Variants in CYP39A1 observed in about 807,000 individuals in gnomAD.
CYP39A1 encodes 24-hydroxycholesterol 7-alpha-hydroxylase.
In CYP39A1, 49 loss-of-function variants were observed where a neutral mutation model predicts 58.1. That is an observed-to-expected ratio of 0.84 (90% CI 0.67 to 1.07). The LOEUF (loss-of-function observed/expected upper bound fraction) is 1.07, where lower values mean the gene tolerates loss of function less well. Ranked by LOEUF, CYP39A1 falls within the 50% of genes least tolerant of loss-of-function variation. The pLI is 0.00. For missense variants in CYP39A1, 531 were observed against 539.4 expected (o/e 0.98, Z 0.16); for synonymous variants, 209 against 187.6 (o/e 1.11, Z -0.93).
At chr6:46,599,247 G>A (rs1773347838) in intron 7 of CYP39A1, among the ~76,000 whole-genome samples, 1 of 152,168 alleles carries the variant, frequency 6.6e-6, no homozygotes, top group African/African-American at 2.4e-5. Flanking sequence ...AGTGGTTAAT[G>A]CAATAAGCGC....
At chr6:46,553,908 G>T in intron 10 of CYP39A1, 54 bp from the exon 11 acceptor site, 2 of 1,129,452 alleles carry the variant, frequency 1.8e-6, no homozygotes, top group Non-Finnish European at 2.6e-6. Flanking sequence ...ATAAATATCT[G>T]CCAACAGAGA....
At position 46,602,933 on chromosome 6, in the gene CYP39A1, G is replaced by GGA. The variant is rs1554161684; in HGVS notation, c.932-6814_932-6813insTC. The stretch of plus-strand genomic sequence containing the variant: ...CCACTAAATATAAAATGGGGGGGGG[G>GGA]AGCTTTATTTCTTCTTCTGAACAAT... On this transcript the variant is annotated intron_variant, in intron 7 of 11. Coordinates refer to ENST00000275016, the MANE Select transcript of CYP39A1 (RefSeq NM_016593.5). 7.9e-3 allele frequency among the ~76,000 whole-genome samples: 1,032 copies of GGA among 130,836 alleles called. 26 individuals carry two copies. The highest frequency in any genetic ancestry group is 0.025 in the South Asian group (87 of 3,456). 85.8% of individuals were successfully genotyped at this position (130,836 alleles called of 152,430 possible).
In CYP39A1 at chr6:46,642,341, A is replaced by G. The variant is rs182968512; in HGVS notation, c.178-43T>C. On this transcript the variant is annotated intron_variant, in intron 1 of 11. Coordinates refer to ENST00000275016, the MANE Select transcript of CYP39A1 (RefSeq NM_016593.5). ...TAGATTATATTAGTAAGCATTCCTA[A>G]GCCATGTTTAAGACCATTCTCCTCA... 5 of 1,576,542 alleles carry G rather than the reference A, an allele frequency of 3.2e-6. No homozygotes were observed. In the Admixed American group the frequency reaches 7.3e-5, roughly 23 times the overall value.
chr6:46,640,287 G>C (rs1161642488), intron 2 of CYP39A1, among the ~76,000 whole-genome samples: 1 of 152,080 alleles, frequency 6.6e-6, no homozygotes, highest in Non-Finnish European at 1.5e-5. Flanking sequence ...CATTTCAGAG[G>C]CTGTTCTGTC....
chr6:46,590,845 T>C (rs1247160304), intron 8 of CYP39A1, among the ~76,000 whole-genome samples: 1 of 152,208 alleles, frequency 6.6e-6, no homozygotes, highest in Non-Finnish European at 1.5e-5. Context: ...TCCCTTTTTA[T>C]TGTATATTCA....
intron 7 of CYP39A1, among the ~76,000 whole-genome samples, chr6:46,609,753 A>C (rs1774099940): frequency 6.6e-6 from 1 of 152,208 alleles, no homozygotes; most frequent in African/African-American, 2.4e-5. Context: ...ACCCTTCAAA[A>C]ATTCAATATA....
chr6:46,626,510 T>G (rs1775315565), intron 6 of CYP39A1, among the ~76,000 whole-genome samples: 1 of 152,186 alleles, frequency 6.6e-6, no homozygotes, highest in South Asian at 2.1e-4. Context: ...GAAGAGCAAT[T>G]GTCCGAAAAG....
At chr6:46,596,557 T>C (rs1582364261) in intron 7 of CYP39A1, among the ~76,000 whole-genome samples, 1 of 151,730 alleles carries the variant, frequency 6.6e-6, no homozygotes, top group Non-Finnish European at 1.5e-5. Context: ...TTTACCCTTT[T>C]GAATTGCTTT....
chr6:46,562,727 CA>C (rs988068035), intron 10 of CYP39A1, among the ~76,000 whole-genome samples: 1 of 151,332 alleles, frequency 6.6e-6, no homozygotes, highest in Admixed American at 6.6e-5. Context: ...TAAAAAATTT[CA>C]AAAAAAGATT....
At chr6:46,596,913 C>G (rs1773203004) in intron 7 of CYP39A1, among the ~76,000 whole-genome samples, 1 of 152,080 alleles carries the variant, frequency 6.6e-6, no homozygotes, top group Non-Finnish European at 1.5e-5. Context: ...ACAGTATTTG[C>G]TTAAGAAAAG....
chr6:46,590,935 CT>C (rs1374417601), intron 8 of CYP39A1, among the ~76,000 whole-genome samples: 1 of 152,270 alleles, frequency 6.6e-6, no homozygotes, highest in South Asian at 2.1e-4. Context: ...TCATTCCCTA[CT>C]TTTTTTCCTG....
chr6:46,650,580 C>T (rs187881031), intron 1 of CYP39A1, among the ~76,000 whole-genome samples: 1 of 130,918 alleles, frequency 7.6e-6, no homozygotes, highest in Admixed American at 9.0e-5. Flanking sequence ...CATAGCTTAC[C>T]GGAATCTGGA....
chr6:46,562,110 C>CGTCCTGGGTTCAAGTGATT (rs1771011419), intron 10 of CYP39A1, among the ~76,000 whole-genome samples: 6 of 143,140 alleles, frequency 4.2e-5, no homozygotes, highest in Non-Finnish European at 7.4e-5. Context: ...GCAACCTCCG[C>CGTCCTGGGTTCAAGTGATT]CTCCTGGGTT....
At chr6:46,606,377 T>C (rs1412138655) in intron 7 of CYP39A1, among the ~76,000 whole-genome samples, 1 of 152,202 alleles carries the variant, frequency 6.6e-6, no homozygotes, top group African/African-American at 2.4e-5. Context: ...CACTAAGTTT[T>C]CGAATGATTC....
At chr6:46,599,528 A>G (rs1425638717) in intron 7 of CYP39A1, among the ~76,000 whole-genome samples, 2 of 152,052 alleles carry the variant, frequency 1.3e-5, no homozygotes, top group African/African-American at 2.4e-5. Flanking sequence ...CCTCTCTTCC[A>G]AGGGTGTTCC....
At chr6:46,553,363 C>A (rs1770512994) in intron 11 of CYP39A1, among the ~76,000 whole-genome samples, 1 of 152,078 alleles carries the variant, frequency 6.6e-6, no homozygotes, top group Admixed American at 6.6e-5. Flanking sequence ...CCATGCTGTT[C>A]CTTTTCAGAT....
At chr6:46,638,708 C>T (rs138663272) in intron 3 of CYP39A1, among the ~76,000 whole-genome samples, 304 of 151,962 alleles carry the variant, frequency 2.0e-3, no homozygotes, top group African/African-American at 6.7e-3. Context: ...GTTTTTGTGT[C>T]CCCCCTCCAC....
chr6:46,638,220 C>CT (rs1420745116), intron 3 of CYP39A1, among the ~76,000 whole-genome samples: 1 of 152,162 alleles, frequency 6.6e-6, no homozygotes, highest in Admixed American at 6.5e-5. Flanking sequence ...TCTAAACAAG[C>CT]TTATTAGACT....
intron 10 of CYP39A1, chr6:46,586,580 G>A: frequency 1.0e-6 from 1 of 985,812 alleles, no homozygotes; most frequent in South Asian, 4.7e-5. Context: ...GAGGAGGGCT[G>A]GGTGCCAGAT....
Sources: gnomAD v4.1 joint callset for allele counts (sites outside exome capture counted in the v4.1 genomes callset) on GRCh38, gnomAD v4.1.1 for gene constraint, MANE v1.5 for transcripts, NCBI Gene and HGNC (gene_info 2026-07-23, HGNC 2026-07-21) for gene names.